DNAH1: variants seen among roughly 807,000 people sequenced by gnomAD.
DNAH1 encodes axonemal beta dynein heavy chain 1.
A neutral mutation model predicts 484.3 loss-of-function variants in DNAH1; 327 were observed. The ratio of observed to expected loss-of-function variants is 0.68; its 90% CI spans 0.62 to 0.74. DNAH1 has a LOEUF of 0.74. Among genes scored for constraint, DNAH1 ranks in the 30% least tolerant of loss-of-function variants. DNAH1 has a pLI of 0.00. For synonymous variants in DNAH1, 2,192 were observed against 2,191.9 expected (o/e 1.00, Z 0.00); for missense variants, 5,052 against 5,546.8 (o/e 0.91, Z 2.83).
chr3:52,386,312 C>G lies in DNAH1; in HGVS notation c.8778C>G (p.Ser2926Arg), dbSNP rs1296373088. Residue 2926 changes from serine to arginine, a missense_variant, in exon 55 of 78, where the codon AGC becomes AGG. By Grantham distance (110) the Ser-to-Arg change is moderately radical (BLOSUM62 -1). Around this residue, in one of 4 missense-constraint regions of DNAH1, gnomAD observed 2,929 missense variants for 3,409.4 expected, o/e 0.86. Transcript: ENST00000420323. ...CAGCCCTGGATGCGGCTCTGGCCAG[C>G]CTGCGCAACCTCAACAAGAACGATG... is the stretch of plus-strand genomic sequence containing the variant. ...ALPALDAALASLRNLNKNDVT... is the reference protein window; with the variant it reads ...ALPALDAALARLRNLNKNDVT... 1 of 1,593,986 alleles carries G rather than the reference C, an allele frequency of 6.3e-7. No individual in the cohort carries two copies. Among genetic ancestry groups the G allele is most frequent in the Non-Finnish European group, 8.5e-7 (1 of 1,170,814 alleles).
In DNAH1 at chr3:52,353,034, A is replaced by G. The variant is rs1702458760; in HGVS notation, c.3028-69A>G. 2 of 1,471,792 alleles carry G rather than the reference A, an allele frequency of 1.4e-6. No homozygotes were observed. Among genetic ancestry groups the G allele is most frequent in the Admixed American group, 4.1e-5 (2 of 49,256 alleles). The allele number at this position is 1,471,792 out of a possible 1,614,324, so 91.2% of individuals were successfully genotyped here. ...GAGAGGGAGAGGACCTGGCCCAAGAAGGGGCAACATGGAGAGAGACTGGGA... is the reference window on the plus strand; with the variant it reads ...GAGAGGGAGAGGACCTGGCCCAAGAGGGGGCAACATGGAGAGAGACTGGGA... On this transcript the variant is annotated intron_variant, in intron 18 of 77. Coordinates refer to ENST00000420323, the MANE Select transcript of DNAH1 (RefSeq NM_015512.5). This position sits in a 1 kb window ranked among gnomAD's most constrained non-coding sequence, Gnocchi z 5.0.
intron 11 of DNAH1, 33 bp from the exon 12 acceptor site, chr3:52,347,791 C>T: frequency 6.5e-7 from 1 of 1,539,708 alleles, no homozygotes; most frequent in Non-Finnish European, 8.8e-7. Context: ...CCTCCTAGGC[C>T]TCTGCCCACA....
chr3:52,346,722 G>T lies in DNAH1; in HGVS notation c.1907G>T (p.Cys636Phe), dbSNP rs775977582. 1.6e-5 allele frequency: 26 copies of T among 1,613,474 alleles called. No homozygotes were observed. The South Asian group carries it at 2.9e-4, about 18-fold the overall frequency. The change falls in exon 11 of 78, where the codon TGC becomes TTC. Residue 636 changes from cysteine (C) to phenylalanine (F), a missense_variant. Around this residue, in one of 4 missense-constraint regions of DNAH1, gnomAD observed 1,263 missense variants for 1,218.8 expected, o/e 1.04. Coordinates refer to ENST00000420323, the MANE Select transcript of DNAH1 (RefSeq NM_015512.5). ...GACACCTGTTGCAGCGTGCTCAACTGCACCGATGACATGGTCTGGGGTGAC... is the reference window on the plus strand; with the variant it reads ...GACACCTGTTGCAGCGTGCTCAACTTCACCGATGACATGGTCTGGGGTGAC... ...ISDTCCSVLNCTDDMVWGDDL... is the reference protein window; with the variant it reads ...ISDTCCSVLNFTDDMVWGDDL...
chr3:52,394,989 G>GGGA lies in DNAH1; in HGVS notation c.10899_10901dup (p.Gly3633_Asp3634insGlu). ...CTGCTAGTCCTCCGCTGCCTGCGTG[G>GGGA]GGACAAGGTTACCAACGCCATGCAG... On this transcript the variant is annotated inframe_insertion, in exon 68 of 78. Coordinates refer to ENST00000420323, the MANE Select transcript of DNAH1 (RefSeq NM_015512.5). The GGGA allele has an allele frequency of 4.3e-6, 7 of 1,612,716 alleles. No homozygotes were observed. Among genetic ancestry groups the GGGA allele is most frequent in the Non-Finnish European group, 5.9e-6 (7 of 1,179,378 alleles).
Position 52,344,557 on chromosome 3 carries a change from A to G in DNAH1, c.1354A>G (p.Ile452Val), listed in dbSNP as rs1368970016. 7 of 1,613,886 alleles carry G rather than the reference A, an allele frequency of 4.3e-6. No individual in the cohort carries two copies. The highest frequency in any genetic ancestry group is 5.1e-6 in the Non-Finnish European group (6 of 1,179,880). Residue 452 changes from isoleucine (I) to valine (V), a missense_variant, in exon 9 of 78, where the codon ATC becomes GTC. Coordinates refer to ENST00000420323, the MANE Select transcript of DNAH1 (RefSeq NM_015512.5). The part of the protein sequence containing the change: ...SLDYERSMNK[I>V]NFDHVVSSKP... ...GGACTATGAGCGCAGCATGAACAAG[A>G]TCAACTTTGACCACGTTGTCTCTTC...
intron 20 of DNAH1, among the ~76,000 whole-genome samples, chr3:52,354,055 A>G (rs1336044390): frequency 6.6e-6 from 1 of 152,046 alleles, no homozygotes; most frequent in African/African-American, 2.4e-5. Context: ...TTAGCCAGGC[A>G]TGGTGGCACA....
At chr3:52,325,116 G>T (rs568070780) in intron 3 of DNAH1, among the ~76,000 whole-genome samples, 1 of 152,160 alleles carries the variant, frequency 6.6e-6, no homozygotes, top group Non-Finnish European at 1.5e-5. Flanking sequence ...GGGCATTTTT[G>T]ATGCAAAGAG....
In DNAH1 at chr3:52,395,763, C is replaced by A; in HGVS notation, c.11259+85C>A. The A allele has an allele frequency of 1.3e-6, 2 of 1,527,014 alleles. No homozygotes were observed. The highest frequency in any genetic ancestry group is 2.0e-5 in the Admixed American group (1 of 50,418). 94.6% of individuals were successfully genotyped at this position (1,527,014 alleles called of 1,614,324 possible). A position where few individuals can be genotyped will look rare whatever the true frequency, so the allele number is the denominator to read the frequency against. The stretch of plus-strand genomic sequence containing the variant: ...ATGAGGCAGAAATAAGAGAATCATG[C>A]CAAGCACTCTGCCCAGCCTCTAGCA... On this transcript the variant is annotated intron_variant, in intron 70 of 77. Coordinates refer to ENST00000420323, the MANE Select transcript of DNAH1 (RefSeq NM_015512.5). This position sits in a 1 kb window ranked among gnomAD's most constrained non-coding sequence, Gnocchi z 4.4.
At chr3:52,315,671 C>G (rs1231274774), upstream of DNAH1, among the ~76,000 whole-genome samples, 1 of 152,230 alleles carries the variant, frequency 6.6e-6, no homozygotes, top group Admixed American at 6.5e-5. Flanking sequence ...TTATTCAGGG[C>G]AAAAGATGGC....
chr3:52,331,852 C>G (rs1236377378), intron 7 of DNAH1, among the ~76,000 whole-genome samples: 1 of 152,060 alleles, frequency 6.6e-6, no homozygotes, highest in Admixed American at 6.5e-5. Flanking sequence ...TCTCGAACTC[C>G]TGGCCTCAAG....
rs753398925 is a variant in DNAH1, at chr3:52,353,373, C to T, written c.3227-7C>T. ...TGCCTCTCATGCGTTTCTGTCTTAC[C>T]CGGCAGCCTGCCAGGAAGTGGCCTT... is the stretch of plus-strand genomic sequence containing the variant. On this transcript the variant is annotated splice_region_variant and splice_polypyrimidine_tract_variant and intron_variant, in intron 19 of 77. Coordinates refer to ENST00000420323, the MANE Select transcript of DNAH1 (RefSeq NM_015512.5). This position sits in a 1 kb window ranked among gnomAD's most constrained non-coding sequence, Gnocchi z 5.0. 1 of 1,609,100 alleles carries T rather than the reference C, an allele frequency of 6.2e-7. No homozygotes were observed. The highest frequency in any genetic ancestry group is 8.5e-7 in the Non-Finnish European group (1 of 1,176,468).
upstream of DNAH1, among the ~76,000 whole-genome samples, chr3:52,314,025 C>A (rs1484426361): frequency 6.6e-6 from 1 of 152,130 alleles, no homozygotes; most frequent in Non-Finnish European, 1.5e-5. Flanking sequence ...AAGTGGCCAG[C>A]CTTGGGGGAT....
Position 52,352,655 on chromosome 3 carries a change from T to G in DNAH1, c.2975T>G (p.Leu992Arg). ...AAGCAGCTGAAGGACTGCCAGCAGC[T>G]GGCCATGCTCTACAACAACCGCGAG... ...VKKQLKDCQQ[L>R]AMLYNNRERI... The change falls in exon 18 of 78, where the codon CTG (leucine) becomes CGG (arginine). Residue 992 changes from leucine to arginine, a missense_variant. Physicochemically the swap from Leu to Arg is moderately radical, Grantham distance 102. This residue lies in a region of DNAH1 where 2,929 missense variants were observed against 3,409.4 expected (regional missense o/e 0.86). Transcript: ENST00000420323. The G allele has an allele frequency of 6.2e-7, 1 of 1,612,672 alleles. No homozygotes were observed. The highest frequency in any genetic ancestry group is 8.5e-7 in the Non-Finnish European group (1 of 1,179,720).
chr3:52,381,874 A>G lies in DNAH1; in HGVS notation c.7805+38A>G, dbSNP rs935271502. ...AGGGCGTGCTGGGCAGTGGGCGGCC[A>G]GGGCTGGCTGGTCGGTTTGACTGAC... is the stretch of plus-strand genomic sequence containing the variant. On this transcript the variant is annotated intron_variant, in intron 49 of 77. Coordinates refer to ENST00000420323, the MANE Select transcript of DNAH1 (RefSeq NM_015512.5). This position sits in a 1 kb window ranked among gnomAD's most constrained non-coding sequence, Gnocchi z 4.1. 3.9e-6 allele frequency: 6 copies of G among 1,540,944 alleles called. No individual in the cohort carries two copies. In the African/African-American group the frequency reaches 6.8e-5, roughly 18 times the overall value.
At chr3:52,321,085 C>G (rs1329442626) in intron 1 of DNAH1, among the ~76,000 whole-genome samples, 7 of 151,696 alleles carry the variant, frequency 4.6e-5, no homozygotes, top group Non-Finnish European at 1.0e-4. Flanking sequence ...CAGGCATGAG[C>G]CACCAAGCCT....
intron 8 of DNAH1, among the ~76,000 whole-genome samples, chr3:52,334,416 G>A (rs923945362): frequency 2.6e-5 from 4 of 152,112 alleles, no homozygotes; most frequent in Admixed American, 6.6e-5. Context: ...ACACTACTGC[G>A]GACTTGATAA....
chr3:52,349,277 A>G lies in DNAH1; in HGVS notation c.2383A>G (p.Ser795Gly). ...THLREKEILD[S>G]SLPSSIIIGP... Reference sequence around the variant, plus strand: ...CCTGCGGGAGAAGGAGATCCTGGACAGCTCGCTGCCCAGCAGCATCATCAT... The same window carrying G: ...CCTGCGGGAGAAGGAGATCCTGGACGGCTCGCTGCCCAGCAGCATCATCAT... Residue 795 changes from serine (S) to glycine (G), a missense_variant, in exon 14 of 78, where the codon AGC (serine) becomes GGC (glycine). Around this residue, in one of 4 missense-constraint regions of DNAH1, gnomAD observed 1,263 missense variants for 1,218.8 expected, o/e 1.04. Coordinates refer to ENST00000420323, the MANE Select transcript of DNAH1 (RefSeq NM_015512.5). 8.7e-6 allele frequency: 14 copies of G among 1,614,004 alleles called. No homozygotes were observed. Among genetic ancestry groups the G allele is most frequent in the Non-Finnish European group, 1.2e-5 (14 of 1,179,880 alleles).
Position 52,379,838 on chromosome 3 carries a change from TG to T in DNAH1, c.7378-65del. ...GAACTGGGGCCCACCCTCCCTTGCC[TG>T]GTGGTTTGAGAGATAGCTGAGGGCT... On this transcript the variant is annotated intron_variant, in intron 47 of 77. Transcript: ENST00000420323. The surrounding 1 kb of genome is among the most constrained non-coding windows in gnomAD (Gnocchi z 4.4). The T allele has an allele frequency of 1.4e-6, 2 of 1,412,526 alleles. No individual in the cohort carries two copies. The highest frequency in any genetic ancestry group is 1.9e-6 in the Non-Finnish European group (2 of 1,039,096). 87.5% of individuals were successfully genotyped at this position (1,412,526 alleles called of 1,614,324 possible). A position where few individuals can be genotyped will look rare whatever the true frequency, so the allele number is the denominator to read the frequency against.
intron 46 of DNAH1, 76 bp from the exon 47 acceptor site, chr3:52,378,526 C>G: frequency 4.0e-6 from 6 of 1,493,928 alleles, no homozygotes; most frequent in Non-Finnish European, 5.5e-6. Context: ...ACAGCAAAGG[C>G]AAGGAGGTCA....
Sources: allele counts gnomAD v4.1 joint callset (sites outside exome capture counted in the v4.1 genomes callset), GRCh38; gene constraint gnomAD v4.1.1; regional missense constraint gnomAD v4.1.1; non-coding constraint Gnocchi (gnomAD v3.1); transcripts MANE v1.5; gene names NCBI Gene and HGNC (gene_info 2026-07-23, HGNC 2026-07-21).